The following TGFBR3 variants were observed in gnomAD, a reference collection of about 807,000 sequenced individuals.
The protein encoded by TGFBR3 is transforming growth factor beta receptor 3, also known as transforming growth factor beta receptor type 3.
Under a neutral mutation model 87.9 loss-of-function variants are expected in TGFBR3, and 46 were observed. That is an observed-to-expected ratio of 0.52 (90% CI 0.41 to 0.67). TGFBR3 has a LOEUF of 0.67. Among genes scored for constraint, TGFBR3 ranks in the 30% least tolerant of loss-of-function variants. TGFBR3 has a pLI of 0.00. For synonymous variants in TGFBR3, 381 were observed against 391.6 expected, an observed-to-expected ratio of 0.97 and a Z score of 0.32; for missense variants, 866 against 1,041.9, an observed-to-expected ratio of 0.83 and a Z score of 2.32.
At chr1:91,804,203 G>A (rs1351979452) in intron 2 of TGFBR3, among the ~76,000 whole-genome samples, 1 of 152,094 alleles carries the variant, frequency 6.6e-6, no homozygotes. Context: ...CACCAACCAT[G>A]AAATGAAGGA....
chr1:91,841,268 T>C (rs1195258041), intron 2 of TGFBR3, among the ~76,000 whole-genome samples: 1 of 152,092 alleles, frequency 6.6e-6, no homozygotes, highest in Non-Finnish European at 1.5e-5. Flanking sequence ...CTCAAGAAAA[T>C]CATTGTACTT....
chr1:91,752,849 C>A (rs1293716894), intron 4 of TGFBR3, among the ~76,000 whole-genome samples: 1 of 151,522 alleles, frequency 6.6e-6, no homozygotes, highest in Non-Finnish European at 1.5e-5. Context: ...AAAGTGAAAC[C>A]CCATCTTTAC....
chr1:91,759,537 G>A (rs1159987065), intron 3 of TGFBR3, among the ~76,000 whole-genome samples: 1 of 152,088 alleles, frequency 6.6e-6, no homozygotes, highest in Non-Finnish European at 1.5e-5. Flanking sequence ...GCAAACCATG[G>A]ACTCAACAAA....
At chr1:91,879,352 GGAA>G (rs955460018) in intron 1 of TGFBR3, among the ~76,000 whole-genome samples, 5 of 151,918 alleles carry the variant, frequency 3.3e-5, no homozygotes, top group African/African-American at 4.8e-5. Flanking sequence ...TTCCCAGGAT[GGAA>G]GAAGATTTCA....
In TGFBR3 at chr1:91,800,261, C is replaced by T. The variant is rs1290996460; in HGVS notation, c.62-2790G>A. ...AAAAAAATATATATATATATACACA[C>T]ACACACACACACACACACTCACGCA... On this transcript the variant is annotated intron_variant, in intron 2 of 16. Coordinates refer to ENST00000212355, the MANE Select transcript of TGFBR3 (RefSeq NM_003243.5). Among the ~76,000 whole-genome samples, 62 of 145,864 alleles carry T rather than the reference C, an allele frequency of 4.3e-4. No homozygotes were observed. The East Asian group carries it at 7.4e-3, about 18-fold the overall frequency.
chr1:91,786,001 CG>C (rs1557709597), intron 3 of TGFBR3, among the ~76,000 whole-genome samples: 1 of 151,926 alleles, frequency 6.6e-6, no homozygotes, highest in Admixed American at 6.6e-5. Flanking sequence ...TAAGCTCAAG[CG>C]ATCTGCCCGC....
In TGFBR3 at chr1:91,861,421, A is replaced by G. The variant is rs749403612; in HGVS notation, c.61+50T>C. On this transcript the variant is annotated intron_variant, in intron 2 of 16. Coordinates refer to ENST00000212355, the MANE Select transcript of TGFBR3 (RefSeq NM_003243.5). The stretch of plus-strand genomic sequence containing the variant: ...TCTCAACTAAAGAGACTGGGACAAA[A>G]TATATCCAAAAATATATAACAAATA... The G allele has an allele frequency of 2.1e-6, 3 of 1,424,112 alleles. No homozygotes were observed. The Admixed American group carries it at 5.0e-5, about 24-fold the overall frequency. The allele number at this position is 1,424,112 out of a possible 1,614,324, so 88.2% of individuals were successfully genotyped here. A position where few individuals can be genotyped will look rare whatever the true frequency, so the allele number is the denominator to read the frequency against.
rs192989613 is a variant in TGFBR3 at position 91,755,036 on chromosome 1, A to C, written c.384+3577T>G. 3 of 152,298 alleles carry C rather than the reference A, an allele frequency of 2.0e-5. No homozygotes were observed. The East Asian group carries it at 5.8e-4, about 29-fold the overall frequency. 9.4% of individuals were successfully genotyped at this position (152,298 alleles called of 1,614,324 possible). A position where few individuals can be genotyped will look rare whatever the true frequency, so the allele number is the denominator to read the frequency against. ...GAGTCAAGAGACCCATTCGCTTTCC[A>C]CAGCTCCTTTAGGCTCCCTGGGTAA... On this transcript the variant is annotated intron_variant, in intron 4 of 16. Transcript: ENST00000212355.
intron 2 of TGFBR3, among the ~76,000 whole-genome samples, chr1:91,843,682 C>T (rs1358875891): frequency 1.3e-5 from 2 of 152,148 alleles, no homozygotes; most frequent in African/African-American, 4.8e-5. Context: ...TTCAATTTTA[C>T]AAATGAGGAC....
chr1:91,886,324 T>G, upstream of TGFBR3: 1 of 383,760 alleles, frequency 2.6e-6, no homozygotes, highest in Non-Finnish European at 5.2e-6. Flanking sequence ...TCCCGCCTCC[T>G]CTCTCCTCCC....
At chr1:91,741,542 C>G (rs189292393) in intron 4 of TGFBR3, among the ~76,000 whole-genome samples, 21 of 152,306 alleles carry the variant, frequency 1.4e-4, no homozygotes, top group African/African-American at 4.8e-4. Context: ...CCCTTCTCCC[C>G]TCCTTCAGAG....
chr1:91,816,028 A>T (rs10783036), intron 2 of TGFBR3, among the ~76,000 whole-genome samples: 80,656 of 152,002 alleles, frequency 0.53, 21,537 homozygotes, highest in Middle Eastern at 0.63. Flanking sequence ...AATCCACTTA[A>T]ACCCATGAAT....
chr1:91,763,272 C>T (rs190291906), intron 3 of TGFBR3, among the ~76,000 whole-genome samples: 44 of 152,232 alleles, frequency 2.9e-4, no homozygotes, highest in African/African-American at 9.1e-4. Flanking sequence ...TTAAAACGAA[C>T]GAAAAAGCAA....
intron 13 of TGFBR3, 95 bp downstream of exon 13, chr1:91,712,148 C>CA: frequency 2.4e-6 from 3 of 1,230,138 alleles, no homozygotes; most frequent in South Asian, 2.6e-5. Flanking sequence ...AGTTCCAAAA[C>CA]AAAAAACCTC....
chr1:91,823,790 G>T (rs1676537409), intron 2 of TGFBR3, among the ~76,000 whole-genome samples: 10 of 152,218 alleles, frequency 6.6e-5, no homozygotes. Context: ...AGTGGTGATT[G>T]CACAGGCATA....
intron 14 of TGFBR3, among the ~76,000 whole-genome samples, chr1:91,705,290 T>G (rs185059363): frequency 6.7e-6 from 1 of 150,096 alleles, no homozygotes; most frequent in African/African-American, 2.5e-5. Flanking sequence ...AGTGGCGCGA[T>G]CTTGGCTCAC....
intron 1 of TGFBR3, among the ~76,000 whole-genome samples, chr1:91,865,739 C>G (rs1016473749): frequency 1.3e-5 from 2 of 151,058 alleles, no homozygotes; most frequent in African/African-American, 4.9e-5. Context: ...GGTGAAACCC[C>G]GTTTCTACTT....
Position 91,812,689 on chromosome 1 carries a change from T to C in TGFBR3, c.62-15218A>G, listed in dbSNP as rs1676072110. On this transcript the variant is annotated intron_variant, in intron 2 of 16. Coordinates refer to ENST00000212355, the MANE Select transcript of TGFBR3 (RefSeq NM_003243.5). ...GTGCAATGGCACCGTCCCAGCTCAC[T>C]GCAACCTCCGCCTCCCGGGTTCAAG... Among the ~76,000 whole-genome samples, 3 of 152,196 alleles carry C rather than the reference T, an allele frequency of 2.0e-5. No homozygotes were observed. In the South Asian group the frequency reaches 6.2e-4, roughly 32 times the overall value.
At chr1:91,881,383 A>C (rs1679068755) in intron 1 of TGFBR3, among the ~76,000 whole-genome samples, 1 of 152,210 alleles carries the variant, frequency 6.6e-6, no homozygotes, top group African/African-American at 2.4e-5. Context: ...GAGTCTTAAA[A>C]ACAATGGAAC....
Sources: gnomAD v4.1 joint callset for allele counts (sites outside exome capture counted in the v4.1 genomes callset) on GRCh38, gnomAD v4.1.1 for gene constraint, MANE v1.5 for transcripts, NCBI Gene and HGNC (gene_info 2026-07-23, HGNC 2026-07-21) for gene names.